Variants in SND1 observed in about 807,000 individuals in gnomAD.
The protein encoded by SND1 is staphylococcal nuclease and tudor domain containing 1.
Under a neutral mutation model 121.7 loss-of-function variants are expected in SND1, and 38 were observed. The observed-to-expected ratio is 0.31, with a 90% confidence interval of 0.24 to 0.41. The LOEUF (loss-of-function observed/expected upper bound fraction) is 0.41, where lower values mean the gene tolerates loss of function less well. SND1 is among the 10% of genes least tolerant of loss of function. SND1 has a pLI of 1.00. For synonymous variants in SND1, 401 were observed against 447.4 expected (o/e 0.90, Z 1.31); for missense variants, 868 against 1,184.6 (o/e 0.73, Z 3.92).
At chr7:127,785,236 A>G (rs1217014532) in intron 10 of SND1, among the ~76,000 whole-genome samples, 1 of 152,202 alleles carries the variant, frequency 6.6e-6, no homozygotes, top group African/African-American at 2.4e-5. Flanking sequence ...GACCAGTGGA[A>G]GGAAGGAAGG....
chr7:127,771,766 A>T (rs1003420895), intron 10 of SND1, among the ~76,000 whole-genome samples: 1 of 152,224 alleles, frequency 6.6e-6, no homozygotes, highest in Non-Finnish European at 1.5e-5. Flanking sequence ...ATTTTGTCTT[A>T]AAAAAGTGGA....
At chr7:128,074,399 G>A (rs901829897) in intron 16 of SND1, 103 bp from the exon 17 acceptor site, 55 of 1,219,582 alleles carry the variant, frequency 4.5e-5, no homozygotes, top group Non-Finnish European at 5.1e-5. Flanking sequence ...GGCTGCCAAG[G>A]CCTGTGAGCC....
intron 16 of SND1, among the ~76,000 whole-genome samples, chr7:128,054,742 C>T (rs887920367): frequency 1.3e-5 from 2 of 152,202 alleles, no homozygotes; most frequent in African/African-American, 2.4e-5. Context: ...TAAATCTTCC[C>T]TGCCTGCCTC....
chr7:127,740,881 A>C (rs1389011163), intron 10 of SND1, among the ~76,000 whole-genome samples: 1 of 152,228 alleles, frequency 6.6e-6, no homozygotes, highest in African/African-American at 2.4e-5. Flanking sequence ...AATCTTATAG[A>C]TGCAGATGTT....
At chr7:128,007,801 A>T (rs953235321) in intron 16 of SND1, among the ~76,000 whole-genome samples, 1 of 152,206 alleles carries the variant, frequency 6.6e-6, no homozygotes, top group Non-Finnish European at 1.5e-5. Context: ...AGTGAGTATG[A>T]CCCATTCAGT....
At chr7:127,962,915 A>C (rs1801766810) in intron 15 of SND1, among the ~76,000 whole-genome samples, 1 of 152,216 alleles carries the variant, frequency 6.6e-6, no homozygotes, top group Admixed American at 6.5e-5. Context: ...AGCTTCTCTA[A>C]GCATCAGTTC....
chr7:128,084,696 G>A (rs528065658), intron 18 of SND1, 28 bp from the exon 19 acceptor site: 26 of 1,592,050 alleles, frequency 1.6e-5, no homozygotes, highest in Non-Finnish European at 2.2e-5. Context: ...CAGCACCCAG[G>A]TCTCACTGTG....
chr7:127,883,258 A>T (rs999548675), intron 12 of SND1, among the ~76,000 whole-genome samples: 6 of 152,158 alleles, frequency 3.9e-5, no homozygotes, highest in African/African-American at 1.2e-4. Context: ...TATTATGCCA[A>T]CATGGAGAAA....
chr7:127,820,790 G>T (rs1256395460), intron 11 of SND1, among the ~76,000 whole-genome samples: 1 of 152,054 alleles, frequency 6.6e-6, no homozygotes, highest in Admixed American at 6.6e-5. Context: ...GCTTGTAGTA[G>T]CACTCACTTT....
At chr7:127,991,134 C>A in intron 16 of SND1, 78 bp downstream of exon 16, 1 of 987,152 alleles carries the variant, frequency 1.0e-6, no homozygotes, top group South Asian at 1.4e-5. Context: ...TGTCAGAGAT[C>A]AGTCTGTTGT....
At chr7:127,806,691 C>G (rs1421939651) in intron 10 of SND1, among the ~76,000 whole-genome samples, 1 of 152,186 alleles carries the variant, frequency 6.6e-6, no homozygotes, top group Non-Finnish European at 1.5e-5. Flanking sequence ...TGTGATGGCT[C>G]AGGCCTGTAA....
chr7:127,821,946 C>T (rs1306717565), intron 11 of SND1, among the ~76,000 whole-genome samples: 1 of 151,992 alleles, frequency 6.6e-6, no homozygotes, highest in Non-Finnish European at 1.5e-5. Flanking sequence ...ATTTAACATC[C>T]CTTTTATCTT....
chr7:127,907,621 A>G (rs945745431), intron 14 of SND1, among the ~76,000 whole-genome samples: 1 of 152,146 alleles, frequency 6.6e-6, no homozygotes, highest in African/African-American at 2.4e-5. Context: ...AATATCTCTC[A>G]CCACCCTCCT....
At chr7:127,945,218 C>T (rs775481664) in intron 15 of SND1, among the ~76,000 whole-genome samples, 6 of 152,176 alleles carry the variant, frequency 3.9e-5, no homozygotes, top group African/African-American at 7.2e-5. Context: ...AAAGGCTGTG[C>T]GTGGTGGCTC....
chr7:127,976,001 T>A (rs146111267), intron 15 of SND1, among the ~76,000 whole-genome samples: 7 of 152,214 alleles, frequency 4.6e-5, no homozygotes, highest in African/African-American at 1.7e-4. Context: ...CCCTCAGAGA[T>A]GGCCACTGTG....
chr7:128,085,492 T>A lies in SND1; in HGVS notation c.2235-219T>A, dbSNP rs1221518304. Among the ~76,000 whole-genome samples, 2 of 152,206 alleles carry A rather than the reference T, an allele frequency of 1.3e-5. No homozygotes were observed. Among genetic ancestry groups the A allele is most frequent in the Non-Finnish European group, 2.9e-5 (2 of 68,022 alleles). ...GGACACATTAATCTGCTCCACATGC[T>A]CCTTTCTCCCTCTTCTGCTCCCAGC... On this transcript the variant is annotated intron_variant, in intron 19 of 23. Coordinates refer to ENST00000354725, the MANE Select transcript of SND1 (RefSeq NM_014390.4). This position sits in a 1 kb window ranked among gnomAD's most constrained non-coding sequence, Gnocchi z 4.4.
chr7:127,836,455 T>C (rs951015207), intron 11 of SND1, among the ~76,000 whole-genome samples: 1 of 152,178 alleles, frequency 6.6e-6, no homozygotes, highest in African/African-American at 2.4e-5. Context: ...ACATCTGGGC[T>C]GGATTGGAGA....
chr7:127,800,915 A>G (rs1399611810), intron 10 of SND1, among the ~76,000 whole-genome samples: 1 of 152,090 alleles, frequency 6.6e-6, no homozygotes, highest in Non-Finnish European at 1.5e-5. Context: ...GTCTGCATTT[A>G]TATTGGGTTT....
At chr7:127,765,311 T>G (rs1797391944) in intron 10 of SND1, among the ~76,000 whole-genome samples, 1 of 152,220 alleles carries the variant, frequency 6.6e-6, no homozygotes, top group South Asian at 2.1e-4. Context: ...AAAATGAACC[T>G]GGCTGGTTTT....
Sources: allele counts gnomAD v4.1 joint callset (sites outside exome capture counted in the v4.1 genomes callset), GRCh38; gene constraint gnomAD v4.1.1; non-coding constraint Gnocchi (gnomAD v3.1); transcripts MANE v1.5; gene names NCBI Gene and HGNC (gene_info 2026-07-23, HGNC 2026-07-21).